LRRC37A2: variants seen among roughly 807,000 people sequenced by gnomAD.
LRRC37A2 encodes the protein leucine-rich repeat-containing protein 37A2.
Under a neutral mutation model 68.8 loss-of-function variants are expected in LRRC37A2, and 9 were observed. That is an observed-to-expected ratio of 0.13 (90% CI 0.08 to 0.23). The LOEUF (loss-of-function observed/expected upper bound fraction) is 0.23. LRRC37A2 is among the 10% of genes least tolerant of loss of function. The pLI is 1.00. For synonymous variants in LRRC37A2, 63 were observed against 367.6 expected (o/e 0.17, Z 9.48); for missense variants, 168 against 950.4 (o/e 0.18, Z 10.82).
chr17:46,953,279 T>C, the LRRC37A2 span, among the ~76,000 whole-genome samples: 1 of 151,850 alleles, frequency 6.6e-6, no homozygotes, highest in Non-Finnish European at 1.5e-5. Context: ...TTCCCACCTA[T>C]GAGTGAGAAC....
the LRRC37A2 span, among the ~76,000 whole-genome samples, chr17:46,913,961 GT>G: frequency 1.3e-5 from 2 of 152,060 alleles, no homozygotes; most frequent in African/African-American, 4.8e-5. Context: ...GTTTCACCAT[GT>G]TGGCTAGACT....
rs974701475 is a variant in LRRC37A2, at chr17:46,521,174, T to G, written c.2753+891T>G. The stretch of plus-strand genomic sequence containing the variant: ...AGGGATCCCTGTATTTCTGTCTGTT[T>G]AGAGACAAGAAGATACTATGTTCAT... On this transcript the variant is annotated intron_variant, in intron 4 of 14. Coordinates refer to ENST00000576629, the Ensembl canonical transcript of LRRC37A2. 1.4e-4 allele frequency among the ~76,000 whole-genome samples: 10 copies of G among 70,244 alleles called. 3 individuals are homozygous for G. Among genetic ancestry groups the G allele is most frequent in the African/African-American group, 4.5e-4 (10 of 22,430 alleles). The allele number at this position is 70,244 out of a possible 152,430, so 46.1% of individuals were successfully genotyped here.
the LRRC37A2 span, chr17:46,768,420 G>A: frequency 9.9e-6 from 16 of 1,613,866 alleles, no homozygotes; most frequent in East Asian, 4.5e-5. The surrounding 1 kb of genome is among the most constrained non-coding windows in gnomAD (Gnocchi z 5.0). Flanking sequence ...CCGCTTCTCC[G>A]TCCTCGTGTT....
the LRRC37A2 span, among the ~76,000 whole-genome samples, chr17:46,403,730 G>T: frequency 3.2e-5 from 3 of 92,956 alleles, no homozygotes; most frequent in African/African-American, 1.1e-4. Context: ...ATAGGGTCTC[G>T]CTCTGTTGCC....
At chr17:46,934,923 G>A in the LRRC37A2 span, 1 of 978,354 alleles carries the variant, frequency 1.0e-6, no homozygotes, top group East Asian at 2.4e-5. Flanking sequence ...TCTTTCACCA[G>A]CCCCTCCGGC....
At chr17:47,003,430 G>A in the LRRC37A2 span, among the ~76,000 whole-genome samples, 1 of 152,218 alleles carries the variant, frequency 6.6e-6, no homozygotes, top group Non-Finnish European at 1.5e-5. Flanking sequence ...CACAACAGGG[G>A]GGCAGGGCTG....
the LRRC37A2 span, among the ~76,000 whole-genome samples, chr17:46,760,119 A>C: frequency 6.6e-6 from 1 of 152,186 alleles, no homozygotes; most frequent in Non-Finnish European, 1.5e-5. Context: ...TTTTATTTTT[A>C]ATTACCATAG....
At chr17:46,858,598 A>G in the LRRC37A2 span, among the ~76,000 whole-genome samples, 1 of 152,162 alleles carries the variant, frequency 6.6e-6, no homozygotes, top group Non-Finnish European at 1.5e-5. Context: ...TAAAAACATA[A>G]TAACTAGTAT....
At chr17:46,944,036 T>C in the LRRC37A2 span, among the ~76,000 whole-genome samples, 6 of 152,132 alleles carry the variant, frequency 3.9e-5, no homozygotes, top group Non-Finnish European at 8.8e-5. Context: ...CACTGGCCCT[T>C]CCTTCCAGGC....
chr17:46,758,367 TGA>T, the LRRC37A2 span, among the ~76,000 whole-genome samples: 6 of 152,150 alleles, frequency 3.9e-5, no homozygotes, highest in African/African-American at 1.4e-4. Flanking sequence ...TGCATAGCCT[TGA>T]GAAGGTGGGT....
chr17:46,518,362 AG>A (rs1231932968), intron 3 of LRRC37A2, among the ~76,000 whole-genome samples: 2 of 137,416 alleles, frequency 1.5e-5, no homozygotes, highest in African/African-American at 5.8e-5. Context: ...GATTATGCTT[AG>A]TTTTCTTGTT....
At chr17:46,911,798 C>A in the LRRC37A2 span, among the ~76,000 whole-genome samples, 4 of 152,254 alleles carry the variant, frequency 2.6e-5, no homozygotes, top group South Asian at 8.3e-4. Context: ...GCAGGAGAAT[C>A]GCTTGAACTG....
the LRRC37A2 span, among the ~76,000 whole-genome samples, chr17:46,718,273 G>A: frequency 6.6e-5 from 10 of 151,994 alleles, no homozygotes; most frequent in Non-Finnish European, 1.5e-4. Context: ...ACTGGCCCTC[G>A]AGGGCACCCT....
the LRRC37A2 span, among the ~76,000 whole-genome samples, chr17:46,879,272 G>A: frequency 1.3e-5 from 2 of 152,156 alleles, no homozygotes; most frequent in African/African-American, 4.8e-5. Context: ...TGAGCAGGAG[G>A]CCGGGTCGCT....
the LRRC37A2 span, among the ~76,000 whole-genome samples, chr17:46,760,644 A>T: frequency 6.6e-6 from 1 of 150,998 alleles, no homozygotes; most frequent in Non-Finnish European, 1.5e-5. Flanking sequence ...AAAAAAAAAA[A>T]AAAAAAGAAA....
chr17:46,748,035 C>A, the LRRC37A2 span, among the ~76,000 whole-genome samples: 3 of 152,212 alleles, frequency 2.0e-5, no homozygotes, highest in Non-Finnish European at 2.9e-5. Flanking sequence ...GATCAAAGAT[C>A]AGATAGCATT....
In LRRC37A2 at chr17:46,550,403, T is replaced by G. The variant is rs377287461; in HGVS notation, c.4705-12T>G. On this transcript the variant is annotated splice_polypyrimidine_tract_variant and intron_variant, in intron 10 of 14. Transcript: ENST00000576629. ...TCATTCTGGTTTTTTTTTTGTGTGT[T>G]TTTTTTTTTAGCTCAAAAAAGAAGT... 5.8e-4 allele frequency: 421 copies of G among 721,586 alleles called. 43 individuals are homozygous for G. Among genetic ancestry groups the G allele is most frequent in the African/African-American group, 3.8e-3 (166 of 43,418 alleles). 44.7% of individuals were successfully genotyped at this position (721,586 alleles called of 1,614,324 possible). A position where few individuals can be genotyped will look rare whatever the true frequency, so the allele number is the denominator to read the frequency against.
chr17:46,928,224 G>A, the LRRC37A2 span, among the ~76,000 whole-genome samples: 2 of 152,166 alleles, frequency 1.3e-5, no homozygotes, highest in Non-Finnish European at 2.9e-5. Flanking sequence ...AGCTCACCCA[G>A]CTTCTTTTGG....
chr17:46,979,301 C>G, the LRRC37A2 span: 1 of 252,150 alleles, frequency 4.0e-6, no homozygotes, highest in African/African-American at 2.3e-5. Flanking sequence ...CCGCCCCTCC[C>G]CTAGCAACGG....
Sources: gnomAD v4.1 joint callset for allele counts (sites outside exome capture counted in the v4.1 genomes callset) on GRCh38, gnomAD v4.1.1 for gene constraint, Gnocchi (gnomAD v3.1) non-coding constraint, MANE v1.5 for transcripts, NCBI Gene and HGNC (gene_info 2026-07-23, HGNC 2026-07-21) for gene names.